NKAIN2: variants seen among roughly 807,000 people sequenced by gnomAD.
NKAIN2 encodes the protein sodium/potassium transporting ATPase interacting 2, also known as sodium/potassium-transporting ATPase subunit beta-1-interacting protein 2.
In NKAIN2, 14 loss-of-function variants were observed where a neutral mutation model predicts 32.6. The ratio of observed to expected loss-of-function variants is 0.43; its 90% CI spans 0.28 to 0.67. The LOEUF (loss-of-function observed/expected upper bound fraction) is 0.67. NKAIN2 is among the 30% of genes least tolerant of loss of function. The probability of loss-of-function intolerance (pLI) is 0.17; values close to 1 mark genes in which losing one functional copy is unlikely to be tolerated. For synonymous variants in NKAIN2, 80 were observed against 87.2 expected, an observed-to-expected ratio of 0.92 and a Z score of 0.46; for missense variants, 198 against 258.3, an observed-to-expected ratio of 0.77 and a Z score of 1.60.
At chr6:124,760,051 GA>G (rs1200710481) in intron 4 of NKAIN2, among the ~76,000 whole-genome samples, 4 of 152,016 alleles carry the variant, frequency 2.6e-5, no homozygotes, top group Admixed American at 6.6e-5. Flanking sequence ...TCCGCTCAGA[GA>G]ATGGCCCTGT....
chr6:123,816,235 T>C (rs1179869405), intron 1 of NKAIN2, among the ~76,000 whole-genome samples: 1 of 152,130 alleles, frequency 6.6e-6, no homozygotes, highest in Non-Finnish European at 1.5e-5. Flanking sequence ...GATAGGAGTC[T>C]GGTTTAGTCT....
intron 1 of NKAIN2, among the ~76,000 whole-genome samples, chr6:123,833,697 G>GTGTGTA (rs1447595183): frequency 6.9e-6 from 1 of 145,480 alleles, no homozygotes; most frequent in African/African-American, 2.5e-5. Flanking sequence ...TTTCCTGTGT[G>GTGTGTA]TGTGTGTGTG....
intron 3 of NKAIN2, among the ~76,000 whole-genome samples, chr6:124,521,633 A>G (rs1779122616): frequency 6.6e-6 from 1 of 152,108 alleles, no homozygotes; most frequent in Non-Finnish European, 1.5e-5. Flanking sequence ...TACAATTTTC[A>G]TTTCTGCAAT....
At chr6:124,479,811 C>T (rs1189273113) in intron 3 of NKAIN2, among the ~76,000 whole-genome samples, 2 of 151,480 alleles carry the variant, frequency 1.3e-5, no homozygotes, top group Admixed American at 1.3e-4. Flanking sequence ...ATAAAAGATA[C>T]TATTGCACAG....
intron 2 of NKAIN2, among the ~76,000 whole-genome samples, chr6:124,315,243 G>A (rs369061896): frequency 6.6e-6 from 1 of 151,880 alleles, no homozygotes; most frequent in Admixed American, 6.6e-5. Flanking sequence ...TAAACTAATC[G>A]ATAAAGCCAT....
chr6:124,517,903 AAGT>A (rs1384877896), intron 3 of NKAIN2, among the ~76,000 whole-genome samples: 1 of 152,172 alleles, frequency 6.6e-6, no homozygotes, highest in African/African-American at 2.4e-5. Flanking sequence ...TAGGAGATGT[AAGT>A]AACATTTGAT....
intron 3 of NKAIN2, among the ~76,000 whole-genome samples, chr6:124,517,622 C>G (rs1184033835): frequency 6.6e-6 from 1 of 152,048 alleles, no homozygotes; most frequent in Admixed American, 6.6e-5. Flanking sequence ...TCCTTTGCCT[C>G]CTAGAGAGCC....
intron 3 of NKAIN2, 28 bp from the exon 4 acceptor site, chr6:124,658,158 C>T (rs895849227): frequency 6.6e-7 from 1 of 1,518,308 alleles, no homozygotes; most frequent in Admixed American, 1.9e-5. Flanking sequence ...TAAAGTAATT[C>T]TCATCCTTGT....
intron 3 of NKAIN2, among the ~76,000 whole-genome samples, chr6:124,479,411 AT>A: frequency 6.6e-6 from 1 of 152,282 alleles, no homozygotes; most frequent in East Asian, 1.9e-4. Flanking sequence ...AACAGACTTT[AT>A]TTTAAGAAAT....
chr6:123,806,442 G>A (rs1773217358), intron 1 of NKAIN2, among the ~76,000 whole-genome samples: 1 of 152,026 alleles, frequency 6.6e-6, no homozygotes, highest in Admixed American at 6.6e-5. Context: ...AAGGACCTCA[G>A]AGATTCTTGG....
intron 3 of NKAIN2, among the ~76,000 whole-genome samples, chr6:124,361,196 T>C (rs1335359205): frequency 2.0e-5 from 3 of 152,046 alleles, no homozygotes; most frequent in African/African-American, 4.8e-5. Context: ...AAAAACAAAA[T>C]TTATTAAATT....
At chr6:124,436,177 T>C (rs550414094) in intron 3 of NKAIN2, among the ~76,000 whole-genome samples, 36 of 152,296 alleles carry the variant, frequency 2.4e-4, no homozygotes, top group Middle Eastern at 3.4e-3. Context: ...ATGCTGAGTA[T>C]TGTATGCATT....
chr6:123,884,949 G>C (rs975636067), intron 1 of NKAIN2, among the ~76,000 whole-genome samples: 20 of 152,046 alleles, frequency 1.3e-4, no homozygotes, highest in Admixed American at 1.2e-3. Flanking sequence ...ATTTATCACT[G>C]TTCTATATGC....
intron 6 of NKAIN2, among the ~76,000 whole-genome samples, chr6:124,822,693 T>C (rs1162508494): frequency 6.6e-6 from 1 of 152,168 alleles, no homozygotes; most frequent in East Asian, 1.9e-4. Context: ...GTTTGGTACA[T>C]GTTGTTGAAA....
At chr6:124,090,041 T>G (rs1582622725) in intron 1 of NKAIN2, among the ~76,000 whole-genome samples, 1 of 152,072 alleles carries the variant, frequency 6.6e-6, no homozygotes, top group East Asian at 1.9e-4. Flanking sequence ...AACCTTAATA[T>G]TAATTTTCTT....
chr6:124,477,856 C>T (rs1218404142), intron 3 of NKAIN2, among the ~76,000 whole-genome samples: 1 of 144,238 alleles, frequency 6.9e-6, no homozygotes, highest in African/African-American at 2.6e-5. Flanking sequence ...TCTTCTTCCT[C>T]TCTCTCTCTC....
chr6:124,601,797 T>C (rs115914181), intron 3 of NKAIN2, among the ~76,000 whole-genome samples: 128 of 152,154 alleles, frequency 8.4e-4, no homozygotes, highest in African/African-American at 2.9e-3. Flanking sequence ...TTGTAGAATT[T>C]ACATGAGCCA....
At chr6:124,712,598 C>T (rs1363226109) in intron 4 of NKAIN2, among the ~76,000 whole-genome samples, 1 of 147,058 alleles carries the variant, frequency 6.8e-6, no homozygotes, top group East Asian at 2.0e-4. Flanking sequence ...CGTCCGTCAC[C>T]CCTTTCTTTG....
chr6:124,658,445 C>T (rs564366048), intron 4 of NKAIN2, 59 bp downstream of exon 4: 39 of 1,612,502 alleles, frequency 2.4e-5, no homozygotes, highest in Non-Finnish European at 3.0e-5. Context: ...TATTTCTGTG[C>T]GAACTCAGTG....
Sources: allele counts gnomAD v4.1 joint callset (sites outside exome capture counted in the v4.1 genomes callset), GRCh38; gene constraint gnomAD v4.1.1; transcripts MANE v1.5; gene names NCBI Gene and HGNC (gene_info 2026-07-23, HGNC 2026-07-21).